Variants in RXRA observed in about 807,000 individuals in gnomAD.
RXRA encodes retinoic acid receptor RXR-alpha.
In RXRA, 5 loss-of-function variants were observed where a neutral mutation model predicts 44.5. The ratio of observed to expected loss-of-function variants is 0.11; its 90% CI spans 0.06 to 0.24. The LOEUF (loss-of-function observed/expected upper bound fraction) is 0.24, where lower values mean the gene tolerates loss of function less well. RXRA is among the 10% of genes least tolerant of loss of function. The pLI is 1.00. For synonymous variants in RXRA, 291 were observed against 271.4 expected, an observed-to-expected ratio of 1.07 and a Z score of -0.71; for missense variants, 412 against 646.5, an observed-to-expected ratio of 0.64 and a Z score of 3.93.
Position 134,434,214 on chromosome 9 carries a change from C to G in RXRA, c.1241+7C>G, listed in dbSNP as rs1239316907. On this transcript the variant is annotated splice_region_variant and intron_variant, in intron 9 of 9. Coordinates refer to ENST00000481739, the MANE Select transcript of RXRA (RefSeq NM_002957.6). ...ACCCAGAGCAGCCGGGAAGGTGGGTCCCGCCCCGTCCCACACACACCCCAG... is the reference window on the plus strand; with the variant it reads ...ACCCAGAGCAGCCGGGAAGGTGGGTGCCGCCCCGTCCCACACACACCCCAG... 12 of 1,599,340 alleles carry G rather than the reference C, an allele frequency of 7.5e-6. No individual in the cohort carries two copies. The highest frequency in any genetic ancestry group is 1.0e-5 in the Non-Finnish European group (12 of 1,167,296).
intron 1 of RXRA, among the ~76,000 whole-genome samples, chr9:134,339,677 G>GTGTGTGTGTGAGCC (rs1830060536): frequency 6.8e-6 from 1 of 146,138 alleles, no homozygotes; most frequent in African/African-American, 2.7e-5. Flanking sequence ...GTGTGAGCCT[G>GTGTGTGTGTGAGCC]TGTGTGTGTG....
intron 1 of RXRA, among the ~76,000 whole-genome samples, chr9:134,356,072 TCAGGC>T (rs1830280105): frequency 6.6e-6 from 1 of 152,134 alleles, no homozygotes; most frequent in Non-Finnish European, 1.5e-5. Flanking sequence ...TGGGCCTGTC[TCAGGC>T]CAGGCCTCCT....
chr9:134,335,936 CT>C (rs1192249323), intron 1 of RXRA, among the ~76,000 whole-genome samples: 15 of 152,220 alleles, frequency 9.9e-5, no homozygotes. Context: ...CGGGAGCCCC[CT>C]GTGTGAGTGC....
At chr9:134,346,637 G>A (rs1184554449) in intron 1 of RXRA, among the ~76,000 whole-genome samples, 1 of 152,224 alleles carries the variant, frequency 6.6e-6, no homozygotes, top group Non-Finnish European at 1.5e-5. Context: ...TCACATTAGT[G>A]GGGGAAAGAA....
chr9:134,422,064 C>G (rs202072044), intron 6 of RXRA: 2 of 1,394,582 alleles, frequency 1.4e-6, no homozygotes, highest in African/African-American at 2.9e-5. Flanking sequence ...TCCCCTCTCC[C>G]AGGACGCTCC....
intron 1 of RXRA, among the ~76,000 whole-genome samples, chr9:134,372,300 G>A (rs1196421011): frequency 6.6e-6 from 1 of 152,164 alleles, no homozygotes; most frequent in Non-Finnish European, 1.5e-5. Flanking sequence ...GAGGGCCGCA[G>A]CCAGGGCCTC....
In RXRA at chr9:134,434,170, G is replaced by T; in HGVS notation, c.1204G>T (p.Ala402Ser). 1 of 1,613,786 alleles carries T rather than the reference G, an allele frequency of 6.2e-7. No individual in the cohort carries two copies. Among genetic ancestry groups the T allele is most frequent in the Non-Finnish European group, 8.5e-7 (1 of 1,179,880 alleles). The change falls in exon 9 of 10, where the codon GCC becomes TCC. Residue 402 changes from alanine (A) to serine (S), a missense_variant. By Grantham distance (99) the Ala-to-Ser change is moderately conservative (BLOSUM62 1). Coordinates refer to ENST00000481739, the MANE Select transcript of RXRA (RefSeq NM_002957.6). ...GGAGAAGGTCTATGCGTCCTTGGAG[G>T]CCTACTGCAAGCACAAGTACCCAGA... The part of the protein sequence containing the change: ...LREKVYASLE[A>S]YCKHKYPEQP...
intron 1 of RXRA, among the ~76,000 whole-genome samples, chr9:134,327,554 C>G (rs1354796911): frequency 6.6e-6 from 1 of 152,160 alleles, no homozygotes; most frequent in Non-Finnish European, 1.5e-5. Context: ...GGACGGCAGC[C>G]AGGCTGTCAG....
rs56391123 is a variant in RXRA at position 134,343,781 on chromosome 9, G to A, written c.28+17122G>A. Among the ~76,000 whole-genome samples the A allele has an allele frequency of 3.5e-3, 531 of 152,218 alleles. 3 individuals carry two copies. Among genetic ancestry groups the A allele is most frequent in the African/African-American group, 0.012 (499 of 41,546 alleles). ...GCGGCACTGAGCTGAGGGAGCCTGCGTTCTTCCTTCAAGCAGAGGATCTTC... is the reference window on the plus strand; with the variant it reads ...GCGGCACTGAGCTGAGGGAGCCTGCATTCTTCCTTCAAGCAGAGGATCTTC... On this transcript the variant is annotated intron_variant, in intron 1 of 9. Transcript: ENST00000481739. The surrounding 1 kb of genome is among the most constrained non-coding windows in gnomAD (Gnocchi z 4.1).
At chr9:134,425,443 C>T in intron 6 of RXRA, 1 of 984,968 alleles carries the variant, frequency 1.0e-6, no homozygotes. Flanking sequence ...TTCCCACCTG[C>T]CCCCTTCATC....
intron 6 of RXRA, chr9:134,427,247 C>A: frequency 2.4e-6 from 2 of 841,400 alleles, no homozygotes; most frequent in Non-Finnish European, 2.9e-6. Flanking sequence ...GCGGCTGGCT[C>A]GGCTGAGCCC....
At chr9:134,361,802 A>G (rs1331188389) in intron 1 of RXRA, among the ~76,000 whole-genome samples, 1 of 152,130 alleles carries the variant, frequency 6.6e-6, no homozygotes, top group Middle Eastern at 3.2e-3. Flanking sequence ...GTTCCGGAAC[A>G]GGGGCTCAGG....
chr9:134,342,462 C>T lies in RXRA; in HGVS notation c.28+15803C>T, dbSNP rs889046841. 1.1e-4 allele frequency among the ~76,000 whole-genome samples: 16 copies of T among 152,208 alleles called. No homozygotes were observed. Among genetic ancestry groups the T allele is most frequent in the Non-Finnish European group, 1.8e-4 (12 of 68,030 alleles). On this transcript the variant is annotated intron_variant, in intron 1 of 9. Coordinates refer to ENST00000481739, the MANE Select transcript of RXRA (RefSeq NM_002957.6). This position sits in a 1 kb window ranked among gnomAD's most constrained non-coding sequence, Gnocchi z 4.4. The stretch of plus-strand genomic sequence containing the variant: ...TGCCAGGAAACTGAGGCACAGAGAG[C>T]AGGGGTCCCCCAGGTGGTCAGGCCC...
intron 6 of RXRA, chr9:134,423,570 G>C: frequency 1.0e-6 from 1 of 985,392 alleles, no homozygotes. Flanking sequence ...GCCATACTGG[G>C]CCCCGCCGGA....
intron 1 of RXRA, among the ~76,000 whole-genome samples, chr9:134,329,907 C>T (rs1002970952): frequency 6.6e-6 from 1 of 152,206 alleles, no homozygotes; most frequent in Non-Finnish European, 1.5e-5. Context: ...GGGTGTGCCC[C>T]TCTGCCCCTG....
intron 1 of RXRA, among the ~76,000 whole-genome samples, chr9:134,367,652 T>TG (rs1252238464): frequency 2.0e-5 from 3 of 152,150 alleles, no homozygotes; most frequent in Non-Finnish European, 4.4e-5. Flanking sequence ...CTTCCCTTTG[T>TG]GGGGGCCTCA....
At chr9:134,360,413 G>A (rs1486824478) in intron 1 of RXRA, among the ~76,000 whole-genome samples, 3 of 152,196 alleles carry the variant, frequency 2.0e-5, no homozygotes, top group South Asian at 2.1e-4. Context: ...TTCTGGGTTC[G>A]AGCTCTGGCT....
intron 1 of RXRA, among the ~76,000 whole-genome samples, chr9:134,389,611 A>G (rs981631871): frequency 6.6e-6 from 1 of 152,146 alleles, no homozygotes; most frequent in African/African-American, 2.4e-5. Flanking sequence ...CATTCTGCCA[A>G]GTGACCAGTG....
At chr9:134,409,417 T>G (rs1044357067) in intron 4 of RXRA, among the ~76,000 whole-genome samples, 2 of 152,198 alleles carry the variant, frequency 1.3e-5, no homozygotes, top group African/African-American at 4.8e-5. Flanking sequence ...CGGGGGCATC[T>G]TCTGAGCTGT....
Sources: gnomAD v4.1 joint callset for allele counts (sites outside exome capture counted in the v4.1 genomes callset) on GRCh38, gnomAD v4.1.1 for gene constraint, Gnocchi (gnomAD v3.1) non-coding constraint, MANE v1.5 for transcripts, NCBI Gene and HGNC (gene_info 2026-07-23, HGNC 2026-07-21) for gene names.